The following ANO4 variants were observed in gnomAD, a reference collection of about 807,000 sequenced individuals.
ANO4 encodes anoctamin 4, also known as anoctamin-4.
A neutral mutation model predicts 141.9 loss-of-function variants in ANO4; 69 were observed. The observed-to-expected ratio is 0.49, with a 90% CI of 0.40 to 0.59. The LOEUF (loss-of-function observed/expected upper bound fraction) is 0.59. Ranked by LOEUF, ANO4 falls within the 20% of genes least tolerant of loss-of-function variation. The pLI is 0.00. For synonymous variants in ANO4, 350 were observed against 394.3 expected, an observed-to-expected ratio of 0.89 and a Z score of 1.33; for missense variants, 894 against 1,162.2, an observed-to-expected ratio of 0.77 and a Z score of 3.36.
chr12:100,840,900 A>C (rs1426337187), intron 1 of ANO4, among the ~76,000 whole-genome samples: 1 of 152,116 alleles, frequency 6.6e-6, no homozygotes, highest in African/African-American at 2.4e-5. Context: ...AATGCACCAT[A>C]ACTCACCTGA....
At chr12:100,941,280 C>A (rs2042499446) in intron 4 of ANO4, among the ~76,000 whole-genome samples, 1 of 151,664 alleles carries the variant, frequency 6.6e-6, no homozygotes, top group South Asian at 2.1e-4. Flanking sequence ...CTTTCAATCC[C>A]ATACCTCTAC....
chr12:100,767,612 A>G (rs973724002), intron 3 of ANO4, among the ~76,000 whole-genome samples: 2 of 152,200 alleles, frequency 1.3e-5, no homozygotes, highest in African/African-American at 2.4e-5. Flanking sequence ...GGGATGATTC[A>G]TTTTCCCAGG....
intron 3 of ANO4, among the ~76,000 whole-genome samples, chr12:100,774,106 A>T (rs752303138): frequency 1.3e-5 from 2 of 152,202 alleles, no homozygotes; most frequent in Non-Finnish European, 2.9e-5. Flanking sequence ...AAGTCCTCTT[A>T]TGTAAAAATT....
chr12:100,862,252 A>G (rs77564220), intron 1 of ANO4, among the ~76,000 whole-genome samples: 3,235 of 152,230 alleles, frequency 0.021, 45 homozygotes, highest in Non-Finnish European at 0.031. Context: ...AAATAGAAGG[A>G]GTATACTCTA....
intron 1 of ANO4, among the ~76,000 whole-genome samples, chr12:100,838,033 T>C (rs1392725077): frequency 6.6e-6 from 1 of 151,944 alleles, no homozygotes; most frequent in Non-Finnish European, 1.5e-5. Flanking sequence ...TAGGGCCTGT[T>C]GGTGGCCATG....
chr12:100,925,680 A>G (rs919808142), intron 3 of ANO4, among the ~76,000 whole-genome samples: 2 of 151,686 alleles, frequency 1.3e-5, no homozygotes, highest in Admixed American at 1.3e-4. Context: ...GAACATCAGT[A>G]TAATTCCTCT....
At chr12:100,727,169 A>G (rs532374378) in intron 1 of ANO4, among the ~76,000 whole-genome samples, 3 of 152,346 alleles carry the variant, frequency 2.0e-5, no homozygotes, top group African/African-American at 7.2e-5. Flanking sequence ...AGCATTCAGT[A>G]ACTGTCCATT....
intron 9 of ANO4, among the ~76,000 whole-genome samples, chr12:101,033,284 A>G (rs1234873477): frequency 1.4e-5 from 2 of 145,830 alleles, no homozygotes; most frequent in African/African-American, 5.0e-5. Flanking sequence ...ACATGGACTC[A>G]GGAAGGGGAA....
At chr12:100,746,690 C>T (rs1002823882) in intron 3 of ANO4, among the ~76,000 whole-genome samples, 2 of 152,152 alleles carry the variant, frequency 1.3e-5, no homozygotes, top group African/African-American at 4.8e-5. Context: ...ATGCACAAGA[C>T]GTGGTCCCTA....
chr12:101,047,950 A>G (rs1441500851), intron 13 of ANO4: 2 of 965,392 alleles, frequency 2.1e-6, no homozygotes, highest in African/African-American at 1.8e-5. Context: ...GGCATTAAAA[A>G]CAGTGCTTGG....
chr12:100,876,771 G>A (rs970553694), intron 1 of ANO4, among the ~76,000 whole-genome samples: 1 of 152,160 alleles, frequency 6.6e-6, no homozygotes, highest in Non-Finnish European at 1.5e-5. Flanking sequence ...ATAAATGCAT[G>A]GGTTTATCAC....
At chr12:100,737,135 A>G (rs1191571603) in intron 2 of ANO4, among the ~76,000 whole-genome samples, 1 of 152,138 alleles carries the variant, frequency 6.6e-6, no homozygotes, top group Non-Finnish European at 1.5e-5. Flanking sequence ...ATTGGCTGAA[A>G]CGATAGGAAA....
At chr12:100,871,556 G>A (rs915679868) in intron 1 of ANO4, among the ~76,000 whole-genome samples, 10 of 152,164 alleles carry the variant, frequency 6.6e-5, no homozygotes, top group African/African-American at 2.4e-4. Flanking sequence ...TAGACTGAAT[G>A]CCCTGACAGC....
At chr12:101,105,804 TAAG>T (rs1210578722) in intron 22 of ANO4, among the ~76,000 whole-genome samples, 1 of 152,330 alleles carries the variant, frequency 6.6e-6, no homozygotes, top group East Asian at 1.9e-4. Context: ...AATCTGGAAT[TAAG>T]AACTCATTTG....
chr12:100,849,205 T>C (rs2037739623), intron 1 of ANO4, among the ~76,000 whole-genome samples: 1 of 152,190 alleles, frequency 6.6e-6, no homozygotes, highest in Non-Finnish European at 1.5e-5. Context: ...ACATGTATTT[T>C]ACTAGAATAG....
chr12:101,051,181 A>G lies in ANO4; in HGVS notation c.1312+2780A>G, dbSNP rs187626855. On this transcript the variant is annotated intron_variant, in intron 14 of 27. Transcript: ENST00000392977. ...TTGCAAGTTGTGTTTTATGTTATAG[A>G]TGACAAATAGGTTTTGTTTTATCCC... Among the ~76,000 whole-genome samples, 24 of 152,278 alleles carry G rather than the reference A, an allele frequency of 1.6e-4. No individual in the cohort carries two copies. In the East Asian group the frequency reaches 4.6e-3, roughly 29 times the overall value.
At chr12:100,824,159 C>T (rs374534810) in intron 1 of ANO4, among the ~76,000 whole-genome samples, 92 of 151,982 alleles carry the variant, frequency 6.1e-4, no homozygotes, top group African/African-American at 2.1e-3. Flanking sequence ...GTCAGGAGAC[C>T]GCTGGAGACA....
intron 18 of ANO4, 76 bp from the exon 19 acceptor site, chr12:101,096,460 T>G: frequency 1.8e-6 from 2 of 1,118,164 alleles, no homozygotes; most frequent in Non-Finnish European, 2.7e-6. Context: ...ACCCTGTGTG[T>G]GTGGGGAGGG....
intron 15 of ANO4, among the ~76,000 whole-genome samples, 189 bp downstream of exon 15, chr12:101,079,464 C>T (rs1163661268): frequency 6.6e-6 from 1 of 152,026 alleles, no homozygotes; most frequent in Non-Finnish European, 1.5e-5. Flanking sequence ...TTTTTGATTC[C>T]TTAGTGGAAT....
Sources: allele counts gnomAD v4.1 joint callset (sites outside exome capture counted in the v4.1 genomes callset), GRCh38; gene constraint gnomAD v4.1.1; transcripts MANE v1.5; gene names NCBI Gene and HGNC (gene_info 2026-07-23, HGNC 2026-07-21).